NT5C2: variants seen among roughly 807,000 people sequenced by gnomAD.
NT5C2 encodes cytosolic purine 5'-nucleotidase.
In NT5C2, 58 loss-of-function variants were observed where a neutral mutation model predicts 76.1. That is an observed-to-expected ratio of 0.76 (90% CI 0.62 to 0.95). The LOEUF is 0.95. Among genes scored for constraint, NT5C2 ranks in the 40% least tolerant of loss-of-function variants. The pLI is 0.00. For missense variants in NT5C2, 478 were observed against 690.3 expected (o/e 0.69, Z 3.45); for synonymous variants, 229 against 237.4 (o/e 0.96, Z 0.32).
At chr10:103,187,749 T>C (rs190122543) in intron 1 of NT5C2, among the ~76,000 whole-genome samples, 3 of 152,184 alleles carry the variant, frequency 2.0e-5, no homozygotes, top group Admixed American at 6.5e-5. Context: ...ACAAACTAGA[T>C]AGAGATACAC....
intron 3 of NT5C2, among the ~76,000 whole-genome samples, chr10:103,142,595 G>A (rs886469063): frequency 6.6e-6 from 1 of 152,096 alleles, no homozygotes; most frequent in Non-Finnish European, 1.5e-5. Flanking sequence ...CTGAGCCTGA[G>A]AGGCAGAAGT....
At chr10:103,160,401 C>T (rs191037480) in intron 3 of NT5C2, among the ~76,000 whole-genome samples, 2 of 152,210 alleles carry the variant, frequency 1.3e-5, no homozygotes, top group East Asian at 3.9e-4. Flanking sequence ...AATTGGACTT[C>T]ACCGGTATTA....
At chr10:103,090,523 C>G in intron 18 of NT5C2, 88 bp downstream of exon 18, 1 of 1,214,732 alleles carries the variant, frequency 8.2e-7, no homozygotes, top group Non-Finnish European at 1.2e-6. Flanking sequence ...AAGAAATGTT[C>G]AAACTATCTC....
At chr10:103,143,081 T>C (rs1230671912) in intron 3 of NT5C2, among the ~76,000 whole-genome samples, 1 of 152,144 alleles carries the variant, frequency 6.6e-6, no homozygotes, top group Non-Finnish European at 1.5e-5. Context: ...TCCTTTCCAC[T>C]TGATCCTCAG....
intron 5 of NT5C2, 94 bp downstream of exon 5, chr10:103,106,495 T>A: frequency 1.3e-6 from 1 of 795,324 alleles, no homozygotes; most frequent in Non-Finnish European, 2.1e-6. Flanking sequence ...TTTGGGGGGT[T>A]TTTTTGTTAA....
chr10:103,163,346 A>C (rs1320514543), intron 3 of NT5C2, among the ~76,000 whole-genome samples: 1 of 152,200 alleles, frequency 6.6e-6, no homozygotes, highest in Non-Finnish European at 1.5e-5. Flanking sequence ...ACTTGATAAG[A>C]AACTGCCAAA....
At chr10:103,094,061 G>A in intron 13 of NT5C2, 23 bp from the exon 14 acceptor site, 2 of 1,591,728 alleles carry the variant, frequency 1.3e-6, no homozygotes, top group Non-Finnish European at 1.7e-6. Context: ...TATGGATTTT[G>A]TAATACTTTA....
chr10:103,153,878 C>G, intron 3 of NT5C2: 1 of 746,770 alleles, frequency 1.3e-6, no homozygotes, highest in Non-Finnish European at 1.6e-6. Flanking sequence ...CAGGAGGAAC[C>G]TAAAGTATTT....
intron 3 of NT5C2, among the ~76,000 whole-genome samples, chr10:103,151,542 T>C (rs1431503521): frequency 6.6e-6 from 1 of 152,052 alleles, no homozygotes. Flanking sequence ...ATTATATATA[T>C]GTGGGTCTAT....
rs549824472 is a variant in NT5C2, at chr10:103,186,784, C to A, written c.-168-5456G>T. Among the ~76,000 whole-genome samples, 36 of 152,020 alleles carry A rather than the reference C, an allele frequency of 2.4e-4. No homozygotes were observed. The South Asian group carries it at 3.1e-3, about 13-fold the overall frequency. ...AAAAAAATAGCCAGGCGTGGTGGCA[C>A]ATGCCTGTAATCCCAGCACTAGGGA... is the stretch of plus-strand genomic sequence containing the variant. On this transcript the variant is annotated intron_variant, in intron 1 of 18. Transcript: ENST00000404739.
chr10:103,144,997 C>T (rs1221409451), intron 3 of NT5C2, among the ~76,000 whole-genome samples: 1 of 152,128 alleles, frequency 6.6e-6, no homozygotes, highest in Non-Finnish European at 1.5e-5. Flanking sequence ...CACATATATT[C>T]TCATCTTTCC....
chr10:103,135,811 G>A (rs12780509), intron 4 of NT5C2, among the ~76,000 whole-genome samples: 4 of 142,604 alleles, frequency 2.8e-5, no homozygotes, highest in East Asian at 2.1e-4. Context: ...ATGGCTGGGC[G>A]TGGTGGCTCA....
intron 3 of NT5C2, among the ~76,000 whole-genome samples, chr10:103,163,311 T>TG (rs1490103297): frequency 1.3e-5 from 2 of 152,196 alleles, no homozygotes; most frequent in African/African-American, 2.4e-5. Flanking sequence ...GTGGGATTTC[T>TG]GGGTCATTAA....
chr10:103,122,403 T>A (rs1279203196), intron 4 of NT5C2, among the ~76,000 whole-genome samples: 1 of 152,228 alleles, frequency 6.6e-6, no homozygotes, highest in Non-Finnish European at 1.5e-5. Context: ...AAGGATGATC[T>A]TCTTTGTTTA....
At chr10:103,118,915 G>A (rs2075045368) in intron 4 of NT5C2, among the ~76,000 whole-genome samples, 1 of 151,666 alleles carries the variant, frequency 6.6e-6, no homozygotes, top group Non-Finnish European at 1.5e-5. Context: ...CCCTATTTGT[G>A]GGGGAGGGCA....
At chr10:103,183,271 A>AT (rs2091446417) in intron 1 of NT5C2, among the ~76,000 whole-genome samples, 1 of 115,562 alleles carries the variant, frequency 8.7e-6, no homozygotes, top group South Asian at 3.2e-4. Flanking sequence ...TGATATATAT[A>AT]TATATATATA....
rs1279287531 is a variant in NT5C2, at chr10:103,191,521, T to C, written c.-169+1715A>G. ...CACCTCTGTGCCTAACATTCTATTG[T>C]AATCTGGCTTTCTTTAGGAAGATGT... On this transcript the variant is annotated intron_variant, in intron 1 of 18. Coordinates refer to ENST00000404739, the MANE Select transcript of NT5C2 (RefSeq NM_001351169.2). Among the ~76,000 whole-genome samples the C allele has an allele frequency of 2.0e-5, 3 of 152,228 alleles. No individual in the cohort carries two copies. The East Asian group carries it at 5.8e-4, about 29-fold the overall frequency.
At chr10:103,093,034 A>T in intron 15 of NT5C2, 105 bp downstream of exon 15, 1 of 924,708 alleles carries the variant, frequency 1.1e-6, no homozygotes, top group Non-Finnish European at 1.5e-6. Context: ...CTGCCTTTTG[A>T]CCACCTCTGA....
At chr10:103,183,275 A>ATATTATATATATATATATAT (rs1554841688) in intron 1 of NT5C2, among the ~76,000 whole-genome samples, 2 of 104,922 alleles carry the variant, frequency 1.9e-5, no homozygotes, top group African/African-American at 6.4e-5. Flanking sequence ...ATATATATAT[A>ATATTATATATATATATATAT]TATATATATA....
Sources: allele counts gnomAD v4.1 joint callset (sites outside exome capture counted in the v4.1 genomes callset), GRCh38; gene constraint gnomAD v4.1.1; transcripts MANE v1.5; gene names NCBI Gene and HGNC (gene_info 2026-07-23, HGNC 2026-07-21).